COPG2: variants seen among roughly 807,000 people sequenced by gnomAD.
The protein encoded by COPG2 is coatomer subunit gamma-2.
A neutral mutation model predicts 46.3 loss-of-function variants in COPG2; 37 were observed. The ratio of observed to expected loss-of-function variants is 0.80; its 90% confidence interval spans 0.61 to 1.05. The LOEUF (loss-of-function observed/expected upper bound fraction) is 1.05. Ranked by LOEUF, COPG2 falls within the 50% of genes least tolerant of loss-of-function variation. The pLI is 0.00. For synonymous variants in COPG2, 159 were observed against 129.7 expected (o/e 1.23, Z -1.53); for missense variants, 427 against 387.8 (o/e 1.10, Z -0.85).
At chr7:130,616,463 G>C (rs1279610312) in intron 6 of COPG2, among the ~76,000 whole-genome samples, 1 of 152,136 alleles carries the variant, frequency 6.6e-6, no homozygotes, top group Non-Finnish European at 1.5e-5. Flanking sequence ...GGTGGTGGGT[G>C]CCTCAAATCC....
intron 9 of COPG2, among the ~76,000 whole-genome samples, chr7:130,593,454 A>G (rs1195975758): frequency 6.6e-6 from 1 of 152,244 alleles, no homozygotes; most frequent in Non-Finnish European, 1.5e-5. Flanking sequence ...ATGATGCAAA[A>G]CAAGAGCTGG....
At chr7:130,616,545 G>A (rs1038612250) in intron 6 of COPG2, among the ~76,000 whole-genome samples, 2 of 152,048 alleles carry the variant, frequency 1.3e-5, no homozygotes, top group South Asian at 4.1e-4. Context: ...AGCCAAGATC[G>A]TGCCACTGCA....
intron 5 of COPG2, among the ~76,000 whole-genome samples, chr7:130,628,394 G>A (rs1413940234): frequency 6.6e-6 from 1 of 151,710 alleles, no homozygotes; most frequent in Non-Finnish European, 1.5e-5. Context: ...GTTGCCCCAG[G>A]GTTTATATCT....
chr7:130,597,414 C>A (rs538354006), intron 9 of COPG2, among the ~76,000 whole-genome samples: 1 of 152,328 alleles, frequency 6.6e-6, no homozygotes, highest in South Asian at 2.1e-4. Flanking sequence ...TCACTCTCAT[C>A]TGAGTTAACC....
intron 20 of COPG2, 77 bp from the exon 21 acceptor site, chr7:130,508,736 C>T: frequency 8.1e-6 from 2 of 247,536 alleles, no homozygotes; most frequent in Non-Finnish European, 7.5e-6. Flanking sequence ...CTGTACTCAG[C>T]ACTGTGTTCC....
intron 9 of COPG2, among the ~76,000 whole-genome samples, chr7:130,595,901 G>A (rs1364997653): frequency 4.6e-5 from 7 of 152,152 alleles, no homozygotes; most frequent in African/African-American, 1.7e-4. Context: ...AGTCCCATTG[G>A]GGCCTTAATT....
chr7:130,571,381 T>G (rs1204934623), intron 9 of COPG2, among the ~76,000 whole-genome samples: 1 of 147,992 alleles, frequency 6.8e-6, no homozygotes, highest in Non-Finnish European at 1.5e-5. Context: ...AAAAAGTGGG[T>G]TAAGGACATG....
At chr7:130,613,700 G>A in intron 6 of COPG2, 64 bp from the exon 7 acceptor site, 1 of 1,044,252 alleles carries the variant, frequency 9.6e-7, no homozygotes, top group Non-Finnish European at 1.4e-6. Flanking sequence ...TTACTCTTAT[G>A]CTTCAAAATA....
intron 6 of COPG2, among the ~76,000 whole-genome samples, chr7:130,616,635 C>A (rs17165004): frequency 0.19 from 29,478 of 152,104 alleles, 3,048 homozygotes; most frequent in Middle Eastern, 0.25. Flanking sequence ...CTTAAAGCTG[C>A]CCAATTTCTT....
chr7:130,569,562 A>G (rs1482263150), intron 9 of COPG2, among the ~76,000 whole-genome samples: 1 of 152,148 alleles, frequency 6.6e-6, no homozygotes. Context: ...TGAAATGGTA[A>G]TAAAAAGTTT....
intron 20 of COPG2, among the ~76,000 whole-genome samples, chr7:130,530,885 G>A (rs1799818254): frequency 6.6e-6 from 1 of 151,812 alleles, no homozygotes; most frequent in Non-Finnish European, 1.5e-5. Flanking sequence ...TAGGAACAAA[G>A]GAATTTGGAG....
chr7:130,634,035 T>C (rs1795282039), intron 5 of COPG2, among the ~76,000 whole-genome samples: 1 of 152,176 alleles, frequency 6.6e-6, no homozygotes, highest in Non-Finnish European at 1.5e-5. Context: ...GTTGTAAATG[T>C]GTGGTGTTAT....
rs2072575 is a variant in COPG2 at position 130,508,666 on chromosome 7, G to A, written c.2150-7C>T. 380,697 of 753,252 alleles carry A rather than the reference G, an allele frequency of 0.51. 101,888 individuals are homozygous for A. Among genetic ancestry groups the A allele is most frequent in the East Asian group, 0.6 (24,185 of 40,336 alleles). The allele number at this position is 753,252 out of a possible 1,614,324, so 46.7% of individuals were successfully genotyped here. On this transcript the variant is annotated splice_polypyrimidine_tract_variant and splice_region_variant and intron_variant, in intron 20 of 23. Transcript: ENST00000425248. ...CAGCTAAAGGAGCCTGCAACTGGAGGAGAAGGGAGGCAAACCTGCATCAGT... is the reference window on the plus strand; with the variant it reads ...CAGCTAAAGGAGCCTGCAACTGGAGAAGAAGGGAGGCAAACCTGCATCAGT...
intron 9 of COPG2, among the ~76,000 whole-genome samples, chr7:130,569,884 T>C (rs1359917492): frequency 6.6e-6 from 1 of 152,230 alleles, no homozygotes; most frequent in Non-Finnish European, 1.5e-5. Flanking sequence ...ATACCAGTGA[T>C]GCAGGGATGG....
intron 9 of COPG2, among the ~76,000 whole-genome samples, chr7:130,590,580 T>G (rs1794381330): frequency 6.6e-6 from 1 of 151,858 alleles, no homozygotes; most frequent in African/African-American, 2.4e-5. Flanking sequence ...CAGGCTGGAG[T>G]GCAGTGGCAT....
At chr7:130,655,620 C>G (rs1467409740) in intron 4 of COPG2, among the ~76,000 whole-genome samples, 2 of 151,678 alleles carry the variant, frequency 1.3e-5, no homozygotes, top group Non-Finnish European at 2.9e-5. Flanking sequence ...CTTTGGTATT[C>G]TGCTTCATAA....
At chr7:130,617,703 A>G (rs980372729) in intron 5 of COPG2, among the ~76,000 whole-genome samples, 1 of 151,728 alleles carries the variant, frequency 6.6e-6, no homozygotes, top group South Asian at 2.1e-4. Flanking sequence ...CACTTCCTCA[A>G]CTCCTCTCAC....
intron 16 of COPG2, 24 bp from the exon 17 acceptor site, chr7:130,550,673 G>C: frequency 5.1e-6 from 2 of 395,920 alleles, no homozygotes; most frequent in Non-Finnish European, 8.9e-6. Flanking sequence ...AGAAATCTCA[G>C]CATTATAACC....
rs1324207537 is a variant in COPG2, at chr7:130,550,542, C to T, written c.1756G>A (p.Val586Ile). ...MKSIPLAMAP[V>I]FEQKAEITLV... ...AGTGAACCTGCTTTCTGTTCAAAGA[C>T]AGGAGCCATAGCAAGAGGAATTGAT... Residue 586 changes from valine to isoleucine, a missense_variant, in exon 17 of 24, where the codon GTC (valine) becomes ATC (isoleucine). Transcript: ENST00000425248. 7.6e-6 allele frequency: 3 copies of T among 392,724 alleles called. No individual in the cohort carries two copies. Among genetic ancestry groups the T allele is most frequent in the Non-Finnish European group, 1.3e-5 (3 of 222,960 alleles). The allele number at this position is 392,724 out of a possible 1,614,324, so 24.3% of individuals were successfully genotyped here.
Sources: allele counts gnomAD v4.1 joint callset (sites outside exome capture counted in the v4.1 genomes callset), GRCh38; gene constraint gnomAD v4.1.1; transcripts MANE v1.5; gene names NCBI Gene and HGNC (gene_info 2026-07-23, HGNC 2026-07-21).